VPS13D: variants seen among roughly 807,000 people sequenced by gnomAD.
The protein encoded by VPS13D is vacuolar protein sorting 13 homolog D.
VPS13D carries 187 observed loss-of-function variants against 461.9 expected under a neutral mutation model. The ratio of observed to expected loss-of-function variants is 0.40; its 90% CI spans 0.36 to 0.46. The LOEUF (loss-of-function observed/expected upper bound fraction) is 0.46. Ranked by LOEUF, VPS13D falls within the 20% of genes least tolerant of loss-of-function variation. VPS13D has a pLI of 0.60. For missense variants in VPS13D, 4,711 were observed against 5,364.9 expected (o/e 0.88, Z 3.81); for synonymous variants, 1,951 against 1,986.3 (o/e 0.98, Z 0.47).
intron 3 of VPS13D, among the ~76,000 whole-genome samples, 189 bp from the exon 4 acceptor site, chr1:12,244,057 C>G (rs1557660043): frequency 6.6e-6 from 1 of 152,092 alleles, no homozygotes; most frequent in African/African-American, 2.4e-5. Flanking sequence ...GTCATTATAC[C>G]TTATTCTTAC....
At chr1:12,364,202 G>A (rs865950566) in intron 52 of VPS13D, among the ~76,000 whole-genome samples, 15 of 152,050 alleles carry the variant, frequency 9.9e-5, no homozygotes, top group South Asian at 2.1e-4. Flanking sequence ...CTCTGTACCC[G>A]TTAAACTTAA....
At chr1:12,348,781 T>C in intron 44 of VPS13D, 42 bp from the exon 45 acceptor site, 1 of 1,605,080 alleles carries the variant, frequency 6.2e-7, no homozygotes, top group Non-Finnish European at 8.5e-7. Flanking sequence ...TTATATGTTT[T>C]TTCAGAAACA....
intron 25 of VPS13D, 132 bp from the exon 26 acceptor site, chr1:12,304,374 A>T: frequency 1.3e-6 from 1 of 757,794 alleles, no homozygotes; most frequent in Non-Finnish European, 2.1e-6. Flanking sequence ...TGAGGGAAGT[A>T]TAAGTATTAT....
chr1:12,440,666 A>G (rs1645118776), intron 65 of VPS13D, among the ~76,000 whole-genome samples: 1 of 152,176 alleles, frequency 6.6e-6, no homozygotes, highest in Non-Finnish European at 1.5e-5. Context: ...ACTTGAGGCC[A>G]GGAGTTGGAG....
At chr1:12,297,283 A>C (rs1008770949) in intron 24 of VPS13D, among the ~76,000 whole-genome samples, 1 of 152,186 alleles carries the variant, frequency 6.6e-6, no homozygotes, top group African/African-American at 2.4e-5. Context: ...AAATTTTAAG[A>C]GTATCAGTTA....
intron 17 of VPS13D, among the ~76,000 whole-genome samples, chr1:12,271,416 C>T (rs2101336373): frequency 6.6e-6 from 1 of 152,250 alleles, no homozygotes; most frequent in African/African-American, 2.4e-5. Flanking sequence ...CACCTGTAAT[C>T]CCAGCACTTT....
intron 68 of VPS13D, among the ~76,000 whole-genome samples, chr1:12,501,335 A>G (rs1408918316): frequency 6.6e-6 from 1 of 152,186 alleles, no homozygotes; most frequent in East Asian, 1.9e-4. Flanking sequence ...AATGGAATAG[A>G]ATTTATTAGC....
rs1276636443 is a variant in VPS13D at position 12,327,734 on chromosome 1, C to T, written c.8077C>T (p.Pro2693Ser). The change falls in exon 36 of 70, where the codon CCA (proline) becomes TCA (serine). Residue 2693 changes from proline (P) to serine (S), a missense_variant. By Grantham distance (74) the Pro-to-Ser change is moderately conservative. Around this residue, in one of 3 missense-constraint regions of VPS13D, gnomAD observed 4,411 missense variants for 4,937.8 expected, o/e 0.89. Coordinates refer to ENST00000620676, the MANE Select transcript of VPS13D (RefSeq NM_015378.4). The part of the protein sequence containing the change: ...LSLASTSRDS[P>S]GAVAAPLISG... ...CTTGGCCTCCACCAGCCGAGATAGC[C>T]CAGGGGCTGTGGCAGCGCCATTGAT... The T allele has an allele frequency of 1.2e-6, 2 of 1,614,140 alleles. No individual in the cohort carries two copies. The highest frequency in any genetic ancestry group is 3.3e-5 in the Admixed American group (2 of 60,022).
chr1:12,400,055 C>A, intron 60 of VPS13D, 126 bp from the exon 61 acceptor site: 1 of 1,016,258 alleles, frequency 9.8e-7, no homozygotes, highest in Non-Finnish European at 1.4e-6. Context: ...CTATTGAGAT[C>A]GAGTGAAATG....
At chr1:12,498,242 C>T (rs1645986672) in intron 68 of VPS13D, among the ~76,000 whole-genome samples, 1 of 152,114 alleles carries the variant, frequency 6.6e-6, no homozygotes, top group African/African-American at 2.4e-5. Flanking sequence ...TTAGAACCAC[C>T]AGCCCACAGA....
intron 65 of VPS13D, among the ~76,000 whole-genome samples, chr1:12,426,992 C>T (rs987405965): frequency 3.3e-5 from 5 of 151,752 alleles, no homozygotes; most frequent in African/African-American, 9.7e-5. Context: ...CCAGCCTAGG[C>T]GACAAGAGTG....
chr1:12,379,304 T>C (rs1644241629), intron 56 of VPS13D, among the ~76,000 whole-genome samples, 184 bp from the exon 57 acceptor site: 1 of 152,238 alleles, frequency 6.6e-6, no homozygotes, highest in South Asian at 2.1e-4. Context: ...TCCATTTTGC[T>C]TTATTCCTCT....
Position 12,378,323 on chromosome 1 carries a change from C to T in VPS13D, c.10918-105C>T, listed in dbSNP as rs1011363625. 2.9e-5 allele frequency: 30 copies of T among 1,051,200 alleles called. No homozygotes were observed. In the South Asian group the frequency reaches 6.2e-4, roughly 22 times the overall value. 65.1% of individuals were successfully genotyped at this position (1,051,200 alleles called of 1,614,324 possible). A position where few individuals can be genotyped will look rare whatever the true frequency, so the allele number is the denominator to read the frequency against. On this transcript the variant is annotated intron_variant, in intron 55 of 69. Coordinates refer to ENST00000620676, the MANE Select transcript of VPS13D (RefSeq NM_015378.4). ...ATGTGGAAAACGTCTAAATAAACTTCCTATATGAGAACTTATTTAGCCCTA... is the reference window on the plus strand; with the variant it reads ...ATGTGGAAAACGTCTAAATAAACTTTCTATATGAGAACTTATTTAGCCCTA...
chr1:12,247,294 T>C (rs953337256), intron 5 of VPS13D, among the ~76,000 whole-genome samples: 5 of 151,740 alleles, frequency 3.3e-5, no homozygotes, highest in African/African-American at 1.2e-4. Context: ...GTGCGTGTCG[T>C]CCCAGCTACT....
At chr1:12,347,504 T>C (rs992997067) in intron 44 of VPS13D, among the ~76,000 whole-genome samples, 11 of 152,164 alleles carry the variant, frequency 7.2e-5, no homozygotes, top group African/African-American at 2.7e-4. Flanking sequence ...GCTTTGACTA[T>C]TGGGGCCTTT....
At position 12,386,214 on chromosome 1, in the gene VPS13D, G is replaced by A. The variant is rs1375323641; in HGVS notation, c.11514G>A (p.Gly3838=). The part of the protein sequence containing the change: ...EVLVRLEGGI[G]LSLINKVPEE... ...TTGTGAGGTTAGAAGGTGGAATTGG[G>A]TTGTCCTTAATTAATAAAGTCCCAG... The change falls in exon 60 of 70, where the codon GGG becomes GGA. Residue 3838 remains glycine, a synonymous_variant. Transcript: ENST00000620676. 15 of 1,613,034 alleles carry A rather than the reference G, an allele frequency of 9.3e-6. No individual in the cohort carries two copies. The highest frequency in any genetic ancestry group is 1.1e-5 in the Non-Finnish European group (13 of 1,179,574).
At chr1:12,462,418 G>A (rs1327210438) in intron 67 of VPS13D, among the ~76,000 whole-genome samples, 5 of 152,232 alleles carry the variant, frequency 3.3e-5, no homozygotes, top group Non-Finnish European at 5.9e-5. Context: ...ACAGCAAAAG[G>A]AAGGAACTTA....
Position 12,249,358 on chromosome 1 carries a change from G to T in VPS13D, c.564+19G>T. 6.3e-7 allele frequency: 1 copy of T among 1,587,200 alleles called. No individual in the cohort carries two copies. Among genetic ancestry groups the T allele is most frequent in the South Asian group, 1.1e-5 (1 of 87,704 alleles). On this transcript the variant is annotated intron_variant, in intron 6 of 69. Coordinates refer to ENST00000620676, the MANE Select transcript of VPS13D (RefSeq NM_015378.4). ...TGAGCCTGTGAGTATGAAATGTGAT[G>T]ACAAAGCAGGAAGAAAGCCATGCTC...
chr1:12,466,791 G>C (rs985630089), intron 67 of VPS13D, among the ~76,000 whole-genome samples: 1 of 152,198 alleles, frequency 6.6e-6, no homozygotes, highest in Non-Finnish European at 1.5e-5. Flanking sequence ...GACAGCCATT[G>C]TGTTAGTTAA....
Sources: gnomAD v4.1 joint callset for allele counts (sites outside exome capture counted in the v4.1 genomes callset) on GRCh38, gnomAD v4.1.1 for gene constraint, gnomAD v4.1.1 regional missense constraint, MANE v1.5 for transcripts, NCBI Gene and HGNC (gene_info 2026-07-23, HGNC 2026-07-21) for gene names.